The following KAZN variants were observed in gnomAD, a reference collection of about 807,000 sequenced individuals.
KAZN encodes the protein kazrin.
In KAZN, 40 loss-of-function variants were observed where a neutral mutation model predicts 87.4. The ratio of observed to expected loss-of-function variants is 0.46; its 90% CI spans 0.36 to 0.60. The LOEUF (loss-of-function observed/expected upper bound fraction) is 0.60, where lower values mean the gene tolerates loss of function less well. Among genes scored for constraint, KAZN ranks in the 20% least tolerant of loss-of-function variants. The pLI is 0.00. For synonymous variants in KAZN, 466 were observed against 458.3 expected, an observed-to-expected ratio of 1.02 and a Z score of -0.22; for missense variants, 898 against 1,073.9, an observed-to-expected ratio of 0.84 and a Z score of 2.29.
chr1:14,629,957 C>G (rs1035420876), intron 1 of KAZN, among the ~76,000 whole-genome samples: 3 of 151,782 alleles, frequency 2.0e-5, no homozygotes. Context: ...CCACGCCGCC[C>G]CCAAATGCAG....
At chr1:13,924,925 G>A (rs992424783) in intron 1 of KAZN, among the ~76,000 whole-genome samples, 4 of 152,164 alleles carry the variant, frequency 2.6e-5, no homozygotes, top group South Asian at 2.1e-4. Flanking sequence ...GATACTCAGC[G>A]TTCACAATAT....
rs187661115 is a variant in KAZN, at chr1:14,776,113, G to A, written c.226+176890G>A. Among the ~76,000 whole-genome samples, 509 of 152,236 alleles carry A rather than the reference G, an allele frequency of 3.3e-3. 2 individuals carry two copies. The highest frequency in any genetic ancestry group is 0.011 in the African/African-American group (474 of 41,542). ...CAACTTCTGCCTCCTAGATTCAAGCGATTCTCCTGCCTCAGCCTCCCAAGT... is the reference window on the plus strand; with the variant it reads ...CAACTTCTGCCTCCTAGATTCAAGCAATTCTCCTGCCTCAGCCTCCCAAGT... On this transcript the variant is annotated intron_variant, in intron 1 of 14. Transcript: ENST00000376030.
chr1:14,467,360 T>C (rs1571721262), intron 2 of KAZN, among the ~76,000 whole-genome samples: 1 of 147,666 alleles, frequency 6.8e-6, no homozygotes, highest in Non-Finnish European at 1.5e-5. Flanking sequence ...GAAAATAAAA[T>C]GGTAAGTAGA....
chr1:14,369,489 A>T (rs147337232), intron 2 of KAZN, among the ~76,000 whole-genome samples: 2 of 152,308 alleles, frequency 1.3e-5, no homozygotes, highest in East Asian at 3.9e-4. Context: ...AGATTTGTGA[A>T]GCGGCTTCTC....
intron 1 of KAZN, among the ~76,000 whole-genome samples, chr1:14,134,952 T>C (rs1645071989): frequency 6.8e-6 from 1 of 146,404 alleles, no homozygotes; most frequent in South Asian, 2.3e-4. Context: ...CTCACAAGCA[T>C]GCATGCATAT....
intron 1 of KAZN, among the ~76,000 whole-genome samples, chr1:14,030,785 A>G (rs557839308): frequency 2.4e-4 from 36 of 152,252 alleles, no homozygotes; most frequent in African/African-American, 8.4e-4. Context: ...CAAGTTACTA[A>G]CGACTTAAGG....
At chr1:14,688,516 T>C (rs995524821) in intron 1 of KAZN, among the ~76,000 whole-genome samples, 1 of 152,242 alleles carries the variant, frequency 6.6e-6, no homozygotes, top group Non-Finnish European at 1.5e-5. Flanking sequence ...TCAAGCATCT[T>C]GTGTTAGAAA....
At chr1:14,520,433 TGG>T (rs1384591367) in intron 2 of KAZN, among the ~76,000 whole-genome samples, 1 of 151,910 alleles carries the variant, frequency 6.6e-6, no homozygotes, top group East Asian at 1.9e-4. Flanking sequence ...TGCAGGAGCC[TGG>T]GGGACAATTG....
intron 2 of KAZN, among the ~76,000 whole-genome samples, chr1:14,410,398 G>A (rs114301918): frequency 5.0e-4 from 76 of 152,236 alleles, no homozygotes; most frequent in African/African-American, 1.7e-3. Context: ...CGCCATTCCC[G>A]GCCCAGTTTA....
At chr1:15,043,944 C>T (rs371750012) in intron 3 of KAZN, 45 bp from the exon 4 acceptor site, 1 of 1,552,104 alleles carries the variant, frequency 6.4e-7, no homozygotes, top group Non-Finnish European at 8.7e-7. Flanking sequence ...CCAGGAGGAG[C>T]CTGGCTGTAA....
Position 14,316,869 on chromosome 1 carries a change from T to A in KAZN, c.249+136277T>A, listed in dbSNP as rs1165735559. 2.8e-4 allele frequency among the ~76,000 whole-genome samples: 42 copies of A among 151,922 alleles called. 1 individual carries two copies. Among genetic ancestry groups the A allele is most frequent in the Admixed American group, 2.8e-3 (42 of 15,238 alleles). On this transcript the variant is annotated intron_variant, in intron 2 of 16. Transcript: ENST00000636203. ...TATTTTTCTATCATTGGTTTCTAAT[T>A]TAATTCCATAGTGGTGAAAAAACAG...
intron 2 of KAZN, among the ~76,000 whole-genome samples, chr1:14,207,547 T>G (rs993016133): frequency 6.6e-6 from 1 of 152,192 alleles, no homozygotes; most frequent in Admixed American, 6.5e-5. Context: ...TATTTTGTCT[T>G]TATTTCAAAT....
chr1:14,076,214 G>A (rs1476965657), intron 1 of KAZN, among the ~76,000 whole-genome samples: 1 of 152,114 alleles, frequency 6.6e-6, no homozygotes, highest in Non-Finnish European at 1.5e-5. Context: ...CCGGGAGGTG[G>A]AGGTTGCGGT....
At position 14,055,484 on chromosome 1, in the gene KAZN, C is replaced by G. The variant is rs561837322; in HGVS notation, c.92-124951C>G. ...TGAAGTCAGGGAAGGTTCCAGAAAGCTTTGATTGCCCAAGCCAGAAATCTT... is the reference window on the plus strand; with the variant it reads ...TGAAGTCAGGGAAGGTTCCAGAAAGGTTTGATTGCCCAAGCCAGAAATCTT... On this transcript the variant is annotated intron_variant, in intron 1 of 16. Coordinates refer to the KAZN transcript ENST00000636203. Among the ~76,000 whole-genome samples the G allele has an allele frequency of 3.3e-5, 5 of 152,296 alleles. No homozygotes were observed. The South Asian group carries it at 1.0e-3, about 32-fold the overall frequency.
intron 1 of KAZN, among the ~76,000 whole-genome samples, chr1:14,617,960 T>C (rs962697423): frequency 1.5e-4 from 23 of 152,224 alleles, no homozygotes; most frequent in Non-Finnish European, 3.2e-4. Flanking sequence ...ACCAGAGTCT[T>C]ATCTCCGACA....
At chr1:14,473,637 CAAA>C (rs57752492) in intron 2 of KAZN, among the ~76,000 whole-genome samples, 3 of 81,168 alleles carry the variant, frequency 3.7e-5, no homozygotes, top group Non-Finnish European at 2.5e-5. Context: ...GACTCTGTCT[CAAA>C]AAAAAAAAAA....
At chr1:14,707,471 T>G (rs763262526) in intron 1 of KAZN, among the ~76,000 whole-genome samples, 4 of 152,202 alleles carry the variant, frequency 2.6e-5, no homozygotes, top group East Asian at 1.9e-4. Context: ...GGCCATCAAC[T>G]TTCTTGTCTT....
At chr1:15,049,286 C>T (rs1248161445) in intron 4 of KAZN, among the ~76,000 whole-genome samples, 1 of 152,252 alleles carries the variant, frequency 6.6e-6, no homozygotes, top group African/African-American at 2.4e-5. Flanking sequence ...GAGCCCGGCT[C>T]ACACGGACCT....
chr1:13,969,543 C>A, intron 1 of KAZN, among the ~76,000 whole-genome samples: 1 of 152,126 alleles, frequency 6.6e-6, no homozygotes, highest in African/African-American at 2.4e-5. Flanking sequence ...AGTGACCCTC[C>A]TACACCACTC....
Sources: allele counts gnomAD v4.1 joint callset (sites outside exome capture counted in the v4.1 genomes callset), GRCh38; gene constraint gnomAD v4.1.1; transcripts MANE v1.5; gene names NCBI Gene and HGNC (gene_info 2026-07-23, HGNC 2026-07-21).